Variants in EDIL3 observed in about 807,000 individuals in gnomAD.
EDIL3 encodes EGF-like repeat and discoidin I-like domain-containing protein 3.
Under a neutral mutation model 67.4 loss-of-function variants are expected in EDIL3, and 37 were observed. The observed-to-expected ratio is 0.55, with a 90% CI of 0.42 to 0.72. The LOEUF (loss-of-function observed/expected upper bound fraction) is 0.72. EDIL3 is among the 30% of genes least tolerant of loss of function. The pLI, the probability that EDIL3 is intolerant of heterozygous loss-of-function variation, is 0.00. For synonymous variants in EDIL3, 195 were observed against 196.3 expected (o/e 0.99, Z 0.05); for missense variants, 527 against 586.3 (o/e 0.90, Z 1.04).
chr5:84,019,820 G>A (rs927896792), intron 9 of EDIL3, among the ~76,000 whole-genome samples: 6 of 151,856 alleles, frequency 4.0e-5, no homozygotes, highest in Admixed American at 2.0e-4. Flanking sequence ...AGCTAATCTC[G>A]CTGGTTCTAG....
chr5:84,253,669 T>TCACC (rs1745074862), intron 2 of EDIL3, among the ~76,000 whole-genome samples: 1 of 152,058 alleles, frequency 6.6e-6, no homozygotes, highest in African/African-American at 2.4e-5. Flanking sequence ...AAAGTAATGA[T>TCACC]TAGAACAGCT....
chr5:84,300,304 TTC>T (rs905920046), intron 1 of EDIL3, among the ~76,000 whole-genome samples: 1 of 152,142 alleles, frequency 6.6e-6, no homozygotes, highest in Non-Finnish European at 1.5e-5. Flanking sequence ...GTGGGAATGG[TTC>T]TCTGATTTTA....
Position 84,032,507 on chromosome 5 carries a change from CT to C in EDIL3, c.1137+27792del, listed in dbSNP as rs961034233. ...TAAGATGAATTTGAATCATCACATT[CT>C]TTTTTTTTAAATAAACTAAGTTTCC... is the stretch of plus-strand genomic sequence containing the variant. On this transcript the variant is annotated intron_variant, in intron 9 of 10. Coordinates refer to ENST00000296591, the MANE Select transcript of EDIL3 (RefSeq NM_005711.5). Among the ~76,000 whole-genome samples the C allele has an allele frequency of 2.4e-3, 369 of 151,466 alleles. 2 individuals carry two copies. Among genetic ancestry groups the C allele is most frequent in the African/African-American group, 8.2e-3 (338 of 41,298 alleles).
chr5:84,203,697 G>T (rs1203714090), intron 3 of EDIL3, among the ~76,000 whole-genome samples: 1 of 152,086 alleles, frequency 6.6e-6, no homozygotes, highest in Non-Finnish European at 1.5e-5. Flanking sequence ...CGCACAAGTG[G>T]CAGTTAAGAA....
chr5:84,012,602 C>T (rs1745536070), intron 9 of EDIL3, among the ~76,000 whole-genome samples: 1 of 152,098 alleles, frequency 6.6e-6, no homozygotes, highest in Non-Finnish European at 1.5e-5. Flanking sequence ...ATTACTCTAT[C>T]TAAGCTTTGT....
chr5:84,132,387 T>G (rs28682299), intron 5 of EDIL3, among the ~76,000 whole-genome samples: 1 of 47,542 alleles, frequency 2.1e-5, no homozygotes, highest in Admixed American at 2.9e-4. Flanking sequence ...ATATAATATA[T>G]TTTATATATA....
intron 10 of EDIL3, among the ~76,000 whole-genome samples, chr5:83,953,088 T>C (rs565060263): frequency 6.6e-6 from 1 of 151,926 alleles, no homozygotes; most frequent in African/African-American, 2.4e-5. Context: ...GCACAGAAAG[T>C]AGTCATTCTC....
At chr5:84,182,637 G>A (rs558583003) in intron 3 of EDIL3, among the ~76,000 whole-genome samples, 2 of 152,252 alleles carry the variant, frequency 1.3e-5, no homozygotes, top group African/African-American at 4.8e-5. Context: ...TCTGAGAGCT[G>A]TATTTGACCC....
chr5:84,165,552 G>A (rs973729350), intron 4 of EDIL3, among the ~76,000 whole-genome samples: 3 of 152,092 alleles, frequency 2.0e-5, no homozygotes, highest in Non-Finnish European at 4.4e-5. Context: ...TAGCATTAAG[G>A]CATACACAAC....
At chr5:84,340,548 A>C (rs867018825) in intron 1 of EDIL3, among the ~76,000 whole-genome samples, 5,868 of 115,066 alleles carry the variant, frequency 0.051, 180 homozygotes, top group Non-Finnish European at 0.06. Flanking sequence ...ATATATATAT[A>C]TATATATATA....
intron 6 of EDIL3, among the ~76,000 whole-genome samples, chr5:84,087,347 A>C (rs1747091711): frequency 1.3e-5 from 2 of 152,196 alleles, no homozygotes; most frequent in African/African-American, 4.8e-5. Flanking sequence ...AACTTTGTTC[A>C]AGGTGACAGT....
At chr5:83,996,280 T>A (rs1309304018) in intron 9 of EDIL3, among the ~76,000 whole-genome samples, 2 of 152,186 alleles carry the variant, frequency 1.3e-5, no homozygotes, top group South Asian at 4.1e-4. Context: ...TATAGTTATG[T>A]TTTCCACTTT....
intron 1 of EDIL3, among the ~76,000 whole-genome samples, chr5:84,267,668 T>C (rs1226902886): frequency 6.6e-6 from 1 of 152,200 alleles, no homozygotes; most frequent in Non-Finnish European, 1.5e-5. Context: ...AGGTTCAATA[T>C]GTATCTGAAC....
At chr5:84,127,531 C>T (rs1161745658) in intron 5 of EDIL3, among the ~76,000 whole-genome samples, 2 of 152,032 alleles carry the variant, frequency 1.3e-5, no homozygotes, top group East Asian at 1.9e-4. Context: ...AGCATCTGCT[C>T]ATTCTGGAAC....
At position 84,130,056 on chromosome 5, in the gene EDIL3, C is replaced by T. The variant is rs546909491; in HGVS notation, c.469+7185G>A. On this transcript the variant is annotated intron_variant, in intron 5 of 10. Transcript: ENST00000296591. Reference sequence around the variant, plus strand: ...ATTCTCAAAGGATCTATTTATTCATCATTTTCTTTGTAAAATTCTCATCTC... The same window carrying T: ...ATTCTCAAAGGATCTATTTATTCATTATTTTCTTTGTAAAATTCTCATCTC... Among the ~76,000 whole-genome samples, 5 of 152,198 alleles carry T rather than the reference C, an allele frequency of 3.3e-5. No homozygotes were observed. In the East Asian group the frequency reaches 9.6e-4, roughly 29 times the overall value.
chr5:84,059,275 C>T (rs183832645), intron 9 of EDIL3, among the ~76,000 whole-genome samples: 111 of 151,924 alleles, frequency 7.3e-4, no homozygotes, highest in Middle Eastern at 6.8e-3. Flanking sequence ...TAGTGATGTG[C>T]ACCTGTAGTC....
At chr5:84,273,392 A>T (rs1221744222) in intron 1 of EDIL3, among the ~76,000 whole-genome samples, 1 of 151,840 alleles carries the variant, frequency 6.6e-6, no homozygotes, top group African/African-American at 2.4e-5. Flanking sequence ...ACCCTGTCAG[A>T]CTCCTGGGTT....
chr5:84,166,633 T>A (rs191853812), intron 4 of EDIL3, among the ~76,000 whole-genome samples: 1 of 152,192 alleles, frequency 6.6e-6, no homozygotes, highest in Non-Finnish European at 1.5e-5. Flanking sequence ...AAAACATAAA[T>A]ATAAAATGTG....
chr5:84,087,671 T>C (rs1747096407), intron 6 of EDIL3, among the ~76,000 whole-genome samples: 1 of 152,220 alleles, frequency 6.6e-6, no homozygotes, highest in South Asian at 2.1e-4. Context: ...ATAGTATTCC[T>C]GCCCTCATGC....
Sources: gnomAD v4.1 joint callset for allele counts (sites outside exome capture counted in the v4.1 genomes callset) on GRCh38, gnomAD v4.1.1 for gene constraint, MANE v1.5 for transcripts, NCBI Gene and HGNC (gene_info 2026-07-23, HGNC 2026-07-21) for gene names.